Variants in GABRB1 observed in about 807,000 individuals in gnomAD.
The protein encoded by GABRB1 is gamma-aminobutyric acid receptor subunit beta-1.
A neutral mutation model predicts 51.6 loss-of-function variants in GABRB1; 17 were observed. That is an observed-to-expected ratio of 0.33 (90% CI 0.23 to 0.49). The LOEUF (loss-of-function observed/expected upper bound fraction) is 0.49, where lower values mean the gene tolerates loss of function less well. GABRB1 is among the 20% of genes least tolerant of loss of function. GABRB1 has a pLI of 0.99. For missense variants in GABRB1, 410 were observed against 600.6 expected (o/e 0.68, Z 3.32); for synonymous variants, 247 against 218.9 (o/e 1.13, Z -1.14).
chr4:47,005,349 C>A (rs1295228042), intron 1 of GABRB1, among the ~76,000 whole-genome samples: 1 of 152,086 alleles, frequency 6.6e-6, no homozygotes, highest in Non-Finnish European at 1.5e-5. Context: ...ACCCGAGAGG[C>A]GGAGCTTGCA....
intron 4 of GABRB1, among the ~76,000 whole-genome samples, chr4:47,185,790 G>A (rs558030028): frequency 6.6e-6 from 1 of 151,908 alleles, no homozygotes; most frequent in East Asian, 1.9e-4. Context: ...ATAAATGGCA[G>A]TAATCAACCT....
upstream of GABRB1, among the ~76,000 whole-genome samples, chr4:47,028,245 A>G (rs1186498860): frequency 6.6e-6 from 1 of 151,730 alleles, no homozygotes; most frequent in Non-Finnish European, 1.5e-5. Context: ...ATGTTTTGAT[A>G]TAGATATGTT....
chr4:47,255,267 A>G (rs1359348232), intron 4 of GABRB1, among the ~76,000 whole-genome samples: 1 of 152,218 alleles, frequency 6.6e-6, no homozygotes, highest in Admixed American at 6.5e-5. Flanking sequence ...TTACTAGTAG[A>G]TGTAGTTATT....
intron 5 of GABRB1, among the ~76,000 whole-genome samples, chr4:47,353,741 C>T (rs1726447925): frequency 6.6e-6 from 1 of 152,130 alleles, no homozygotes; most frequent in African/African-American, 2.4e-5. Context: ...AAACAGCAGT[C>T]CCTTATCACC....
At chr4:47,202,126 A>G (rs893250389) in intron 4 of GABRB1, among the ~76,000 whole-genome samples, 1 of 152,144 alleles carries the variant, frequency 6.6e-6, no homozygotes, top group Non-Finnish European at 1.5e-5. Flanking sequence ...GTTAAGAAAG[A>G]GACCAGGTGG....
chr4:47,426,133 T>C lies in GABRB1; in HGVS notation c.*115T>C. 1.2e-6 allele frequency: 1 copy of C among 830,166 alleles called. No individual in the cohort carries two copies. Among genetic ancestry groups the C allele is most frequent in the South Asian group, 1.9e-5 (1 of 53,950 alleles). The allele number at this position is 830,166 out of a possible 1,614,324, so 51.4% of individuals were successfully genotyped here. On this transcript the variant is annotated 3_prime_UTR_variant, in exon 9 of 9. Transcript: ENST00000295454. ...GAGGTAAGAGATTCAGCCATCCAAT[T>C]GGTTTTAGGTCTTGCATATCAGTTT...
chr4:47,196,368 C>T (rs1719679289), intron 4 of GABRB1, among the ~76,000 whole-genome samples: 1 of 152,168 alleles, frequency 6.6e-6, no homozygotes, highest in Admixed American at 6.6e-5. Context: ...GGTTCAGACT[C>T]TAGTTGTCTT....
chr4:47,152,839 A>C (rs1717522359), intron 3 of GABRB1, among the ~76,000 whole-genome samples: 1 of 152,040 alleles, frequency 6.6e-6, no homozygotes, highest in Admixed American at 6.6e-5. Flanking sequence ...TGCTGCCTTA[A>C]ATAACTCACA....
intron 4 of GABRB1, among the ~76,000 whole-genome samples, chr4:47,172,745 G>A (rs930408822): frequency 2.9e-5 from 4 of 139,980 alleles, no homozygotes; most frequent in South Asian, 2.3e-4. Context: ...AGGTTCAAAC[G>A]AGTATCCTAC....
At chr4:47,405,457 T>G (rs528870905) in intron 7 of GABRB1, among the ~76,000 whole-genome samples, 50 of 152,310 alleles carry the variant, frequency 3.3e-4, no homozygotes, top group African/African-American at 1.2e-3. Flanking sequence ...TTTAAGAGCC[T>G]CTATCAAATT....
intron 5 of GABRB1, among the ~76,000 whole-genome samples, chr4:47,388,109 G>A (rs1010188476): frequency 2.0e-5 from 3 of 152,012 alleles, no homozygotes; most frequent in Non-Finnish European, 4.4e-5. Flanking sequence ...ACGGATTATT[G>A]GCTCCAAAAT....
At chr4:47,257,296 G>T (rs778552751) in intron 4 of GABRB1, among the ~76,000 whole-genome samples, 3 of 152,042 alleles carry the variant, frequency 2.0e-5, no homozygotes, top group Non-Finnish European at 2.9e-5. Flanking sequence ...CAGCCCTTCT[G>T]TTCCTAGAAC....
At chr4:47,267,619 AC>A (rs1366223729) in intron 4 of GABRB1, among the ~76,000 whole-genome samples, 6 of 151,986 alleles carry the variant, frequency 3.9e-5, no homozygotes, top group African/African-American at 1.5e-4. Context: ...ACAATGCAAA[AC>A]CCCATCTCTA....
chr4:47,352,993 A>G (rs2110000756), intron 5 of GABRB1, among the ~76,000 whole-genome samples: 1 of 152,340 alleles, frequency 6.6e-6, no homozygotes, highest in East Asian at 1.9e-4. Flanking sequence ...TTACAGTTCC[A>G]CATGGTTGGG....
chr4:47,069,298 A>G (rs1419749496), intron 3 of GABRB1, among the ~76,000 whole-genome samples: 1 of 152,168 alleles, frequency 6.6e-6, no homozygotes, highest in African/African-American at 2.4e-5. Context: ...AATCTGTCCT[A>G]TTCTACTTTC....
At chr4:47,342,394 A>G (rs2109988525) in intron 5 of GABRB1, among the ~76,000 whole-genome samples, 1 of 128,284 alleles carries the variant, frequency 7.8e-6, no homozygotes, top group Admixed American at 8.0e-5. Context: ...GAGGCACCCC[A>G]CAAAAAAATA....
At chr4:47,355,725 T>C (rs918244187) in intron 5 of GABRB1, among the ~76,000 whole-genome samples, 2 of 152,186 alleles carry the variant, frequency 1.3e-5, no homozygotes, top group South Asian at 2.1e-4. Flanking sequence ...TTAGCACCAT[T>C]AGCGCAGATA....
At chr4:47,346,716 C>T (rs1027921743) in intron 5 of GABRB1, among the ~76,000 whole-genome samples, 8 of 152,322 alleles carry the variant, frequency 5.3e-5, no homozygotes, top group Admixed American at 1.3e-4. Context: ...TGTGCTGGCC[C>T]GTGCCAATGC....
At chr4:47,228,866 C>T (rs1721043884) in intron 4 of GABRB1, among the ~76,000 whole-genome samples, 1 of 152,096 alleles carries the variant, frequency 6.6e-6, no homozygotes, top group Admixed American at 6.6e-5. Context: ...TGGAAAGGGA[C>T]TTTGCAGATG....
Sources: allele counts gnomAD v4.1 joint callset (sites outside exome capture counted in the v4.1 genomes callset), GRCh38; gene constraint gnomAD v4.1.1; transcripts MANE v1.5; gene names NCBI Gene and HGNC (gene_info 2026-07-23, HGNC 2026-07-21).